The following PAQR5 variants were observed in gnomAD, a reference collection of about 807,000 sequenced individuals.
PAQR5 encodes membrane progestin receptor gamma.
PAQR5 carries 20 observed loss-of-function variants against 34.5 expected under a neutral mutation model. That is an observed-to-expected ratio of 0.58 (90% confidence interval 0.41 to 0.84). The LOEUF (loss-of-function observed/expected upper bound fraction) is 0.84, where lower values mean the gene tolerates loss of function less well. Ranked by LOEUF, PAQR5 falls within the 40% of genes least tolerant of loss-of-function variation. The pLI, the probability that PAQR5 is intolerant of heterozygous loss-of-function variation, is 0.00. For synonymous variants in PAQR5, 131 were observed against 155.6 expected (o/e 0.84, Z 1.18); for missense variants, 378 against 412.7 (o/e 0.92, Z 0.73).
chr15:69,334,152 C>T (rs1385822189), intron 1 of PAQR5, among the ~76,000 whole-genome samples: 3 of 152,106 alleles, frequency 2.0e-5, no homozygotes, highest in Admixed American at 1.3e-4. Context: ...CTCAGCCTCC[C>T]AAGTTGCTGG....
intron 3 of PAQR5, among the ~76,000 whole-genome samples, chr15:69,369,724 T>A (rs1485864726): frequency 7.0e-6 from 1 of 143,718 alleles, no homozygotes; most frequent in Non-Finnish European, 1.5e-5. Flanking sequence ...GACTAGCTGA[T>A]GGTTATGAAT....
intron 2 of PAQR5, among the ~76,000 whole-genome samples, chr15:69,357,687 G>A (rs1365075240): frequency 6.6e-6 from 1 of 152,104 alleles, no homozygotes; most frequent in African/African-American, 2.4e-5. Context: ...TTCTATTACT[G>A]TTTTTAAGAA....
chr15:69,319,348 G>C (rs1480040850), intron 1 of PAQR5, among the ~76,000 whole-genome samples: 1 of 151,032 alleles, frequency 6.6e-6, no homozygotes, highest in East Asian at 2.0e-4. Flanking sequence ...TGCTCTATGG[G>C]TCCCCAGCTC....
chr15:69,301,815 G>A (rs529902648), intron 1 of PAQR5, among the ~76,000 whole-genome samples: 18 of 143,780 alleles, frequency 1.3e-4, no homozygotes, highest in African/African-American at 3.9e-4. Flanking sequence ...AAAATGATCC[G>A]TACAGGAAGA....
chr15:69,349,749 C>T (rs2054864202), intron 2 of PAQR5, among the ~76,000 whole-genome samples: 2 of 151,954 alleles, frequency 1.3e-5, no homozygotes, highest in African/African-American at 2.4e-5. Flanking sequence ...TCAAGCCATT[C>T]TCCTGCCTCA....
rs1487931709 is a variant in PAQR5, at chr15:69,384,416, CT to C, written c.180-260del. Among the ~76,000 whole-genome samples the C allele has an allele frequency of 5.1e-4, 52 of 102,890 alleles. 5 individuals are homozygous for C. Among genetic ancestry groups the C allele is most frequent in the East Asian group, 4.1e-3 (13 of 3,142 alleles). The allele number at this position is 102,890 out of a possible 152,430, so 67.5% of individuals were successfully genotyped here. A position where few individuals can be genotyped will look rare whatever the true frequency, so the allele number is the denominator to read the frequency against. On this transcript the variant is annotated intron_variant, in intron 4 of 8. Coordinates refer to ENST00000395407, the MANE Select transcript of PAQR5 (RefSeq NM_017705.4). The stretch of plus-strand genomic sequence containing the variant: ...GTTCATGGTGGAGGGTGAGCGGGCC[CT>C]CCGTGTTCATGGTGGAGGGTGAGCG...
At chr15:69,330,863 T>C (rs760084636) in intron 1 of PAQR5, among the ~76,000 whole-genome samples, 1 of 152,214 alleles carries the variant, frequency 6.6e-6, no homozygotes, top group Non-Finnish European at 1.5e-5. Flanking sequence ...GGTGAACCCC[T>C]TGGGCACTTA....
chr15:69,327,604 T>G (rs1001890874), intron 1 of PAQR5, among the ~76,000 whole-genome samples: 3 of 152,086 alleles, frequency 2.0e-5, no homozygotes, highest in African/African-American at 7.2e-5. Flanking sequence ...CCTGCAGGTG[T>G]GTTGGCTCTG....
At chr15:69,395,408 C>T (rs2056394518) in intron 6 of PAQR5, among the ~76,000 whole-genome samples, 2 of 152,348 alleles carry the variant, frequency 1.3e-5, no homozygotes, top group African/African-American at 2.4e-5. Context: ...CACCCAGAAC[C>T]TATTTGTTCC....
intron 2 of PAQR5, 125 bp downstream of exon 2, chr15:69,337,626 T>C (rs2140709024): frequency 6.6e-6 from 1 of 152,360 alleles, no homozygotes; most frequent in Admixed American, 6.5e-5. Context: ...GGGCTCAGCT[T>C]TTAAAAACTT....
chr15:69,374,360 C>G (rs1015259207), intron 3 of PAQR5, among the ~76,000 whole-genome samples: 1 of 152,064 alleles, frequency 6.6e-6, no homozygotes, highest in Non-Finnish European at 1.5e-5. Flanking sequence ...ACCGCAGGTA[C>G]CCAGGAAATG....
intron 1 of PAQR5, among the ~76,000 whole-genome samples, chr15:69,336,602 T>C (rs2054520132): frequency 6.6e-6 from 1 of 152,194 alleles, no homozygotes; most frequent in African/African-American, 2.4e-5. Context: ...CAGATGATTG[T>C]TGTCTTATTT....
chr15:69,335,082 G>A (rs116955758), intron 1 of PAQR5, among the ~76,000 whole-genome samples: 2,625 of 151,788 alleles, frequency 0.017, 93 homozygotes, highest in East Asian at 0.14. Context: ...AAAATTAGCC[G>A]GGCCTGTGGC....
At chr15:69,325,732 C>T (rs1369078234) in intron 1 of PAQR5, among the ~76,000 whole-genome samples, 21 of 152,186 alleles carry the variant, frequency 1.4e-4, no homozygotes, top group Admixed American at 1.4e-3. Flanking sequence ...CGCTGCCTCT[C>T]ACCTGGCTGG....
rs187301799 is a variant in PAQR5 at position 69,341,734 on chromosome 15, C to T, written c.-116+4233C>T. The stretch of plus-strand genomic sequence containing the variant: ...CCAAGGTGGGTGGATCACTTGAGCT[C>T]AGGAGTTTGAGACCAGCCTGGACAA... On this transcript the variant is annotated intron_variant, in intron 2 of 8. Transcript: ENST00000395407. Among the ~76,000 whole-genome samples, 9 of 152,090 alleles carry T rather than the reference C, an allele frequency of 5.9e-5. No homozygotes were observed. In the East Asian group the frequency reaches 1.7e-3, roughly 29 times the overall value.
At chr15:69,320,236 A>G (rs898344113) in intron 1 of PAQR5, among the ~76,000 whole-genome samples, 2 of 152,204 alleles carry the variant, frequency 1.3e-5, no homozygotes, top group Non-Finnish European at 2.9e-5. Context: ...GGCGTTTGGC[A>G]CCCTGGTGCT....
At chr15:69,349,342 C>A (rs979596369) in intron 2 of PAQR5, among the ~76,000 whole-genome samples, 4 of 152,206 alleles carry the variant, frequency 2.6e-5, no homozygotes, top group African/African-American at 9.7e-5. Flanking sequence ...CAGCAGGCCC[C>A]TGAAGGTGAG....
chr15:69,392,732 G>A (rs899558291), intron 6 of PAQR5, among the ~76,000 whole-genome samples: 5 of 152,166 alleles, frequency 3.3e-5, no homozygotes, highest in Admixed American at 6.5e-5. Flanking sequence ...GACACCTGCC[G>A]GTATACACAG....
intron 1 of PAQR5, among the ~76,000 whole-genome samples, chr15:69,331,541 C>T (rs7182495): frequency 0.88 from 133,356 of 152,124 alleles, 60,366 homozygotes; most frequent in Non-Finnish European, 0.99. Context: ...TAATGGAAGT[C>T]CAGCAGGTCT....
Sources: allele counts gnomAD v4.1 joint callset (sites outside exome capture counted in the v4.1 genomes callset), GRCh38; gene constraint gnomAD v4.1.1; transcripts MANE v1.5; gene names NCBI Gene and HGNC (gene_info 2026-07-23, HGNC 2026-07-21).